Variants in PPM1N observed in about 807,000 individuals in gnomAD.
PPM1N encodes the protein probable protein phosphatase 1N.
PPM1N carries 35 observed loss-of-function variants against 32.6 expected under a neutral mutation model. The ratio of observed to expected loss-of-function variants is 1.07; its 90% CI spans 0.82 to 1.43. PPM1N has a LOEUF of 1.43. Among genes scored for constraint, PPM1N ranks in the 40% most tolerant of loss-of-function variants. PPM1N has a pLI of 0.00. For missense variants in PPM1N, 648 were observed against 606.6 expected, an observed-to-expected ratio of 1.07 and a Z score of -0.72; for synonymous variants, 275 against 270.5, an observed-to-expected ratio of 1.02 and a Z score of -0.16.
chr19:45,498,905 T>G lies in PPM1N; in HGVS notation c.433T>G (p.Leu145Val), dbSNP rs777378003. The G allele has an allele frequency of 1.3e-6, 2 of 1,526,414 alleles. No homozygotes were observed. The highest frequency in any genetic ancestry group is 2.8e-5 in the African/African-American group (2 of 70,474). The allele number at this position is 1,526,414 out of a possible 1,614,324, so 94.6% of individuals were successfully genotyped here. Reference protein sequence around the residue: ...GVREALRRAFLSADERLRSLW... With the variant: ...GVREALRRAFVSADERLRSLW... ...GCGCGAGGCGCTGCGCCGAGCCTTC[T>G]TGAGCGCCGACGAGCGCCTGCGCTC... Residue 145 changes from leucine to valine, a missense_variant, in exon 1 of 5, where the codon TTG becomes GTG. By Grantham distance (32) the Leu-to-Val change is conservative. Transcript: ENST00000451287.
At chr19:45,499,714 G>A (rs1968378950) in intron 1 of PPM1N, 3 of 1,544,134 alleles carry the variant, frequency 1.9e-6, no homozygotes. Flanking sequence ...GTGCTGGAAG[G>A]TGGAAGAGCA....
At position 45,498,870 on chromosome 19, in the gene PPM1N, CCGAGGGCGTGCG is replaced by C; in HGVS notation, c.404_415del (p.Gly135_Glu138del). 1 of 1,519,958 alleles carries C rather than the reference CCGAGGGCGTGCG, an allele frequency of 6.6e-7. No individual in the cohort carries two copies. Among genetic ancestry groups the C allele is most frequent in the Non-Finnish European group, 8.7e-7 (1 of 1,143,606 alleles). The allele number at this position is 1,519,958 out of a possible 1,614,324, so 94.2% of individuals were successfully genotyped here. ...GAGCTGGGCCCGGAGCCTAGCGAGC[CCGAGGGCGTGCG>C]CGAGGCGCTGCGCCGAGCCTTCTTG... On this transcript the variant is annotated inframe_deletion, in exon 1 of 5. Transcript: ENST00000451287.
Position 45,498,660 on chromosome 19 carries a change from G to A in PPM1N, c.188G>A (p.Gly63Glu), listed in dbSNP as rs768156817. Residue 63 changes from glycine to glutamate, a missense_variant, in exon 1 of 5, where the codon GGG becomes GAG. By Grantham distance (98) the Gly-to-Glu change is moderately conservative (BLOSUM62 -2). Transcript: ENST00000451287. ...CCGCACGGGGGTGCCGAGGCGTCTG[G>A]GGGCCTGCGCTTCGGGGCGAGCGCA... ...QRPHGGAEAS[G>E]GLRFGASAAQ... 8.4e-6 allele frequency: 12 copies of A among 1,432,374 alleles called. No individual in the cohort carries two copies. The highest frequency in any genetic ancestry group is 1.1e-5 in the Non-Finnish European group (12 of 1,095,948). 88.7% of individuals were successfully genotyped at this position (1,432,374 alleles called of 1,614,324 possible). A position where few individuals can be genotyped will look rare whatever the true frequency, so the allele number is the denominator to read the frequency against.
chr19:45,500,082 G>C lies in PPM1N; in HGVS notation c.1057+16G>C. Reference sequence around the variant, plus strand: ...AGAATCGCTGGTGAGCAGACTCTGGGGGCCCAGCTGGAGGGGTGGTTGGCC... The same window carrying C: ...AGAATCGCTGGTGAGCAGACTCTGGCGGCCCAGCTGGAGGGGTGGTTGGCC... On this transcript the variant is annotated intron_variant, in intron 2 of 4. Transcript: ENST00000451287. 1 of 1,572,334 alleles carries C rather than the reference G, an allele frequency of 6.4e-7. No individual in the cohort carries two copies. The highest frequency in any genetic ancestry group is 8.6e-7 in the Non-Finnish European group (1 of 1,158,066).
At chr19:45,500,120 G>A in intron 2 of PPM1N, 54 bp downstream of exon 2, 1 of 1,507,760 alleles carries the variant, frequency 6.6e-7, no homozygotes, top group Non-Finnish European at 8.8e-7. Flanking sequence ...TGAAGGCTGT[G>A]CCATAACTTT....
At chr19:45,499,584 G>A (rs1416656080) in intron 1 of PPM1N, 173 bp downstream of exon 1, 1 of 1,549,730 alleles carries the variant, frequency 6.5e-7, no homozygotes, top group Non-Finnish European at 8.7e-7. Context: ...ATACAGGGGC[G>A]GAGCCTGAGG....
In PPM1N at chr19:45,502,308, GAAAAAAA is replaced by G. The variant is rs61574042; in HGVS notation, c.*243_*249del. The stretch of plus-strand genomic sequence containing the variant: ...GACCAAAAAGAAAAAAGCCCAAATC[GAAAAAAA>G]AAAAAAAAAAAAAAAAAAACAAAAA... On this transcript the variant is annotated 3_prime_UTR_variant, in exon 5 of 5. Coordinates refer to ENST00000451287, the MANE Select transcript of PPM1N (RefSeq NM_001080401.2). 4 of 26,858 alleles carry G rather than the reference GAAAAAAA, an allele frequency of 1.5e-4. No homozygotes were observed. Among genetic ancestry groups the G allele is most frequent in the African/African-American group, 3.5e-4 (2 of 5,730 alleles). 1.7% of individuals were successfully genotyped at this position (26,858 alleles called of 1,614,324 possible).
intron 4 of PPM1N, 103 bp downstream of exon 4, chr19:45,500,813 G>C: frequency 1.2e-6 from 1 of 826,476 alleles, no homozygotes; most frequent in South Asian, 1.5e-5. Flanking sequence ...TAAGGGATTT[G>C]CCTGATATAT....
Position 45,498,906 on chromosome 19 carries a change from TGAGCGCCGAC to T in PPM1N, c.442_451del (p.Asp148CysfsTer37), listed in dbSNP as rs1968356473. ...CGCGAGGCGCTGCGCCGAGCCTTCT[TGAGCGCCGAC>T]GAGCGCCTGCGCTCCCTCTGGCCCC... On this transcript the variant is annotated frameshift_variant, in exon 1 of 5. Transcript: ENST00000451287. LOFTEE classifies it high-confidence loss of function. 6.6e-7 allele frequency: 1 copy of T among 1,526,510 alleles called. No individual in the cohort carries two copies. The highest frequency in any genetic ancestry group is 2.5e-5 in the East Asian group (1 of 39,650). 94.6% of individuals were successfully genotyped at this position (1,526,510 alleles called of 1,614,324 possible).
intron 3 of PPM1N, 29 bp from the exon 4 acceptor site, chr19:45,500,621 C>T (rs1391382450): frequency 6.3e-7 from 1 of 1,594,194 alleles, no homozygotes; most frequent in East Asian, 2.3e-5. Flanking sequence ...AGGAGAGTCC[C>T]CTCCTGAGGG....
In PPM1N at chr19:45,499,114, T is replaced by TG; in HGVS notation, c.644dup (p.Gly216ArgfsTer50). The TG allele has an allele frequency of 6.6e-7, 1 of 1,519,092 alleles. No individual in the cohort carries two copies. The highest frequency in any genetic ancestry group is 1.3e-5 in the South Asian group (1 of 78,410). 94.1% of individuals were successfully genotyped at this position (1,519,092 alleles called of 1,614,324 possible). On this transcript the variant is annotated frameshift_variant, in exon 1 of 5. Coordinates refer to ENST00000451287, the MANE Select transcript of PPM1N (RefSeq NM_001080401.2). LOFTEE classifies it high-confidence loss of function. ...GGGAACGCGAGCGCATCCACGCCGC[T>TG]GGCGGCACCATCCGCCGCCGCCGCG...
Position 45,499,962 on chromosome 19 carries a change from A to G in PPM1N, c.953A>G (p.Asn318Ser). The G allele has an allele frequency of 6.3e-7, 1 of 1,588,894 alleles. No individual in the cohort carries two copies. The highest frequency in any genetic ancestry group is 8.6e-7 in the Non-Finnish European group (1 of 1,166,736). The change falls in exon 2 of 5, where the codon AAC becomes AGC. Residue 318 changes from asparagine to serine, a missense_variant. Physicochemically the swap from Asn to Ser is conservative, Grantham distance 46. Transcript: ENST00000451287. ...DTCLCKGSLDNMTCILVCFPG... is the reference protein window; with the variant it reads ...DTCLCKGSLDSMTCILVCFPG... Reference sequence around the variant, plus strand: ...CACCGGCTTCAGGGCAGCCTGGACAACATGACCTGCATCCTGGTCTGCTTC... The same window carrying G: ...CACCGGCTTCAGGGCAGCCTGGACAGCATGACCTGCATCCTGGTCTGCTTC...
intron 4 of PPM1N, among the ~76,000 whole-genome samples, 155 bp downstream of exon 4, chr19:45,500,865 TCTTC>T (rs1161753540): frequency 6.6e-6 from 1 of 151,870 alleles, no homozygotes; most frequent in African/African-American, 2.4e-5. Flanking sequence ...TTTTTTCTTT[TCTTC>T]CTTCCTTTCT....
chr19:45,499,784 G>C (rs1968380661), intron 1 of PPM1N, 165 bp from the exon 2 acceptor site: 1 of 1,500,008 alleles, frequency 6.7e-7, no homozygotes. Context: ...AATTGGGAGC[G>C]CCTAGGACCG....
Position 45,498,869 on chromosome 19 carries a change from C to T in PPM1N, c.397C>T (p.Pro133Ser). The change falls in exon 1 of 5, where the codon CCC becomes TCC. Residue 133 changes from proline (P) to serine (S), a missense_variant. Pro to Ser is a moderately conservative substitution (Grantham distance 74). Coordinates refer to ENST00000451287, the MANE Select transcript of PPM1N (RefSeq NM_001080401.2). Reference protein sequence around the residue: ...LQELGPEPSEPEGVREALRRA... With the variant: ...LQELGPEPSESEGVREALRRA... Reference sequence around the variant, plus strand: ...GGAGCTGGGCCCGGAGCCTAGCGAGCCCGAGGGCGTGCGCGAGGCGCTGCG... The same window carrying T: ...GGAGCTGGGCCCGGAGCCTAGCGAGTCCGAGGGCGTGCGCGAGGCGCTGCG... 3.3e-6 allele frequency: 5 copies of T among 1,519,754 alleles called. No individual in the cohort carries two copies. In the African/African-American group the frequency reaches 5.7e-5, roughly 17 times the overall value. 94.1% of individuals were successfully genotyped at this position (1,519,754 alleles called of 1,614,324 possible). A position where few individuals can be genotyped will look rare whatever the true frequency, so the allele number is the denominator to read the frequency against.
Position 45,502,007 on chromosome 19 carries a change from TG to T in PPM1N, c.1225-9del. On this transcript the variant is annotated splice_polypyrimidine_tract_variant and intron_variant, in intron 4 of 4. Coordinates refer to ENST00000451287, the MANE Select transcript of PPM1N (RefSeq NM_001080401.2). The stretch of plus-strand genomic sequence containing the variant: ...TTTCTCATTACCTTCTCCCACATTT[TG>T]TGTTACAGAAGGGGCAGGATGGGGC... 1 of 1,493,364 alleles carries T rather than the reference TG, an allele frequency of 6.7e-7. No homozygotes were observed. Among genetic ancestry groups the T allele is most frequent in the Non-Finnish European group, 8.9e-7 (1 of 1,125,598 alleles). 92.5% of individuals were successfully genotyped at this position (1,493,364 alleles called of 1,614,324 possible).
At position 45,499,032 on chromosome 19, in the gene PPM1N, T is replaced by G. The variant is rs1344056272; in HGVS notation, c.560T>G (p.Leu187Arg). The G allele has an allele frequency of 2.6e-6, 4 of 1,538,896 alleles. No homozygotes were observed. In the East Asian group the frequency reaches 9.5e-5, roughly 36 times the overall value. ...CACTGCGGTGACTCCCGCGCGGTGC[T>G]GAGCCGCGCTGGCGCCGTGGCCTTC... The part of the protein sequence containing the change: ...LAHCGDSRAV[L>R]SRAGAVAFST... Residue 187 changes from leucine (L) to arginine (R), a missense_variant, in exon 1 of 5, where the codon CTG (leucine) becomes CGG (arginine). Physicochemically the swap from Leu to Arg is moderately radical, Grantham distance 102. Coordinates refer to ENST00000451287, the MANE Select transcript of PPM1N (RefSeq NM_001080401.2).
At position 45,502,235 on chromosome 19, in the gene PPM1N, C is replaced by T; in HGVS notation, c.*150C>T. The stretch of plus-strand genomic sequence containing the variant: ...ATGCTTATTTCTTCTTCTCTTACTT[C>T]CCTCTCACAGAAAAGTCTTACGAAT... On this transcript the variant is annotated 3_prime_UTR_variant, in exon 5 of 5. Coordinates refer to ENST00000451287, the MANE Select transcript of PPM1N (RefSeq NM_001080401.2). 1.7e-6 allele frequency: 1 copy of T among 591,900 alleles called. No individual in the cohort carries two copies. The highest frequency in any genetic ancestry group is 3.0e-6 in the Non-Finnish European group (1 of 329,792). 36.7% of individuals were successfully genotyped at this position (591,900 alleles called of 1,614,324 possible). A position where few individuals can be genotyped will look rare whatever the true frequency, so the allele number is the denominator to read the frequency against.
rs1177165570 is a variant in PPM1N at position 45,498,625 on chromosome 19, C to T, written c.153C>T (p.Arg51=). Residue 51 remains arginine, a synonymous_variant, in exon 1 of 5, where the codon CGC becomes CGT. Transcript: ENST00000451287. ...GPRSLLTAPR[R]AQRPHGGAEA... ...GGTCTCTGTTGACAGCGCCGCGCCGCGCCCAGCGGCCGCACGGGGGTGCCG... is the reference window on the plus strand; with the variant it reads ...GGTCTCTGTTGACAGCGCCGCGCCGTGCCCAGCGGCCGCACGGGGGTGCCG... 2.8e-6 allele frequency: 4 copies of T among 1,414,806 alleles called. No individual in the cohort carries two copies. In the South Asian group the frequency reaches 6.1e-5, roughly 22 times the overall value. The allele number at this position is 1,414,806 out of a possible 1,614,324, so 87.6% of individuals were successfully genotyped here.
Sources: allele counts gnomAD v4.1 joint callset (sites outside exome capture counted in the v4.1 genomes callset), GRCh38; gene constraint gnomAD v4.1.1; transcripts MANE v1.5; gene names NCBI Gene and HGNC (gene_info 2026-07-23, HGNC 2026-07-21).